Variants in SCHIP1 observed in about 807,000 individuals in gnomAD.
The protein encoded by SCHIP1 is schwannomin interacting protein 1, also known as schwannomin-interacting protein 1.
SCHIP1 carries 8 observed loss-of-function variants against 29.7 expected under a neutral mutation model. That is an observed-to-expected ratio of 0.27 (90% CI 0.16 to 0.49). SCHIP1 has a LOEUF of 0.49. Ranked by LOEUF, SCHIP1 falls within the 20% of genes least tolerant of loss-of-function variation. SCHIP1 has a pLI of 0.99. For missense variants in SCHIP1, 193 were observed against 294.6 expected, an observed-to-expected ratio of 0.66 and a Z score of 2.52; for synonymous variants, 76 against 94.9, an observed-to-expected ratio of 0.80 and a Z score of 1.16.
At chr3:159,510,752 G>A in the SCHIP1 span, among the ~76,000 whole-genome samples, 6 of 152,184 alleles carry the variant, frequency 3.9e-5, no homozygotes, top group African/African-American at 1.4e-4. Flanking sequence ...CTGTTTGCCT[G>A]GGTATCAGCA....
the SCHIP1 span, among the ~76,000 whole-genome samples, chr3:159,598,156 T>G: frequency 6.6e-6 from 1 of 152,282 alleles, no homozygotes; most frequent in South Asian, 2.1e-4. Context: ...AAGATGAGAT[T>G]TGGGTGGGGA....
chr3:159,404,622 T>G, the SCHIP1 span, among the ~76,000 whole-genome samples: 1 of 152,160 alleles, frequency 6.6e-6, no homozygotes, highest in Non-Finnish European at 1.5e-5. Context: ...CACAGTAGAA[T>G]AGTGCACCAG....
At chr3:159,601,638 G>T in the SCHIP1 span, among the ~76,000 whole-genome samples, 13 of 152,230 alleles carry the variant, frequency 8.5e-5, no homozygotes, top group Non-Finnish European at 1.6e-4. Context: ...CAGAGTTTGT[G>T]CTGCTGCTGA....
the SCHIP1 span, among the ~76,000 whole-genome samples, chr3:159,493,589 C>A: frequency 3.6e-4 from 55 of 151,560 alleles, no homozygotes; most frequent in African/African-American, 9.7e-4. Flanking sequence ...CAGGAGCACC[C>A]AGATTCATAA....
the SCHIP1 span, among the ~76,000 whole-genome samples, chr3:159,612,615 C>T: frequency 2.0e-5 from 3 of 152,166 alleles, no homozygotes; most frequent in Middle Eastern, 3.4e-3. Context: ...GGTGTGGTGG[C>T]GGGCACCTGT....
At chr3:159,647,749 T>G in the SCHIP1 span, among the ~76,000 whole-genome samples, 1 of 152,172 alleles carries the variant, frequency 6.6e-6, no homozygotes, top group Non-Finnish European at 1.5e-5. Flanking sequence ...TCTAGAAGCT[T>G]GTGTCTACTT....
chr3:159,617,499 TAC>T, the SCHIP1 span, among the ~76,000 whole-genome samples: 2,568 of 152,250 alleles, frequency 0.017, 64 homozygotes, highest in African/African-American at 0.059. Flanking sequence ...GGAAGAAACT[TAC>T]AGTCTTCATC....
chr3:159,594,752 T>C, the SCHIP1 span, among the ~76,000 whole-genome samples: 1 of 152,208 alleles, frequency 6.6e-6, no homozygotes, highest in Non-Finnish European at 1.5e-5. Context: ...CTGGGTACAT[T>C]CATTTCTAAA....
chr3:159,291,015 A>G, the SCHIP1 span, among the ~76,000 whole-genome samples: 785 of 152,238 alleles, frequency 5.2e-3, 3 homozygotes, highest in Middle Eastern at 0.01. Context: ...ACTCAACAGA[A>G]ATTAGTGCAC....
At chr3:159,455,971 C>T in the SCHIP1 span, among the ~76,000 whole-genome samples, 2 of 152,150 alleles carry the variant, frequency 1.3e-5, no homozygotes, top group Non-Finnish European at 2.9e-5. Context: ...TCTGTATGCC[C>T]AGGTTGTATC....
chr3:159,685,225 A>G, the SCHIP1 span, among the ~76,000 whole-genome samples: 1 of 152,188 alleles, frequency 6.6e-6, no homozygotes, highest in Non-Finnish European at 1.5e-5. Context: ...AAATTCCACA[A>G]TAGGAAGTTG....
the SCHIP1 span, chr3:159,764,943 T>C: frequency 6.7e-7 from 1 of 1,492,122 alleles, no homozygotes; most frequent in South Asian, 1.3e-5. The surrounding 1 kb of genome is among the most constrained non-coding windows in gnomAD (Gnocchi z 6.1). Context: ...CCCAGCCGGC[T>C]GGGGGCCGGC....
chr3:159,848,309 G>A (rs979374474), intron 1 of SCHIP1, among the ~76,000 whole-genome samples: 1 of 152,120 alleles, frequency 6.6e-6, no homozygotes, highest in African/African-American at 2.4e-5. Context: ...CTTATGCATG[G>A]ACAGTTCATT....
the SCHIP1 span, among the ~76,000 whole-genome samples, chr3:159,682,713 C>T: frequency 6.6e-6 from 1 of 152,224 alleles, no homozygotes; most frequent in African/African-American, 2.4e-5. Context: ...ATCTAGGTCC[C>T]TTGGCAGCTG....
At chr3:159,748,525 C>A in the SCHIP1 span, among the ~76,000 whole-genome samples, 2 of 152,208 alleles carry the variant, frequency 1.3e-5, no homozygotes, top group African/African-American at 4.8e-5. Flanking sequence ...TGCCCTTTGG[C>A]CCCATGTGCC....
At chr3:159,555,865 G>C in the SCHIP1 span, among the ~76,000 whole-genome samples, 2 of 152,026 alleles carry the variant, frequency 1.3e-5, no homozygotes, top group African/African-American at 2.4e-5. Flanking sequence ...CTTTAAAATT[G>C]TTCTTAACAC....
In SCHIP1 at chr3:159,861,291, C is replaced by T. The variant is rs1210973341; in HGVS notation, c.31-4872C>T. Among the ~76,000 whole-genome samples, 3 of 151,302 alleles carry T rather than the reference C, an allele frequency of 2.0e-5. No individual in the cohort carries two copies. Among genetic ancestry groups the T allele is most frequent in the South Asian group, 4.2e-4 (2 of 4,776 alleles). ...TAAGGGATGGGGCCATGCCATATGCCGAAAAAAAGGGTGGAAAGGTCCTGG... is the reference window on the plus strand; with the variant it reads ...TAAGGGATGGGGCCATGCCATATGCTGAAAAAAAGGGTGGAAAGGTCCTGG... On this transcript the variant is annotated intron_variant, in intron 1 of 6. Coordinates refer to ENST00000445224, the Ensembl canonical transcript of SCHIP1. This position sits in a 1 kb window ranked among gnomAD's most constrained non-coding sequence, Gnocchi z 4.1.
chr3:159,616,314 C>T, the SCHIP1 span, among the ~76,000 whole-genome samples: 2 of 152,156 alleles, frequency 1.3e-5, no homozygotes, highest in Admixed American at 1.3e-4. Flanking sequence ...GTTGGCCAGG[C>T]TGGTCTTGAA....
the SCHIP1 span, among the ~76,000 whole-genome samples, chr3:159,685,574 T>C: frequency 1.3e-5 from 2 of 152,194 alleles, no homozygotes; most frequent in East Asian, 3.8e-4. Flanking sequence ...CTACAACCCT[T>C]ATAAGAAGAG....
Sources: gnomAD v4.1 joint callset for allele counts (sites outside exome capture counted in the v4.1 genomes callset) on GRCh38, gnomAD v4.1.1 for gene constraint, Gnocchi (gnomAD v3.1) non-coding constraint, MANE v1.5 for transcripts, NCBI Gene and HGNC (gene_info 2026-07-23, HGNC 2026-07-21) for gene names.